SMYD3: variants seen among roughly 807,000 people sequenced by gnomAD.
The protein encoded by SMYD3 is histone-lysine N-methyltransferase SMYD3.
SMYD3 carries 36 observed loss-of-function variants against 57.7 expected under a neutral mutation model. That is an observed-to-expected ratio of 0.62 (90% CI 0.48 to 0.82). The LOEUF is 0.82. SMYD3 is among the 40% of genes least tolerant of loss of function. SMYD3 has a pLI of 0.00. For missense variants in SMYD3, 515 were observed against 538.8 expected (o/e 0.96, Z 0.44); for synonymous variants, 211 against 195.0 (o/e 1.08, Z -0.68).
chr1:246,284,698 G>A (rs759571356), intron 5 of SMYD3, among the ~76,000 whole-genome samples: 4 of 152,122 alleles, frequency 2.6e-5, no homozygotes, highest in African/African-American at 2.4e-5. Flanking sequence ...TTACAGGCAT[G>A]AGCCACCGCG....
chr1:246,321,498 G>T (rs1309781801), intron 5 of SMYD3, among the ~76,000 whole-genome samples: 1 of 151,936 alleles, frequency 6.6e-6, no homozygotes, highest in African/African-American at 2.4e-5. Context: ...ATTTAAATTT[G>T]GCCTCTCTCT....
Position 246,327,753 on chromosome 1 carries a change from C to T in SMYD3, c.395-416G>A, listed in dbSNP as rs189939305. ...TCATGACTAAACTAATAAACAGCAT[C>T]ACCTCTAAGGCAAAAAGACAGAAAA... On this transcript the variant is annotated intron_variant, in intron 4 of 11. Transcript: ENST00000490107. Among the ~76,000 whole-genome samples the T allele has an allele frequency of 2.5e-3, 378 of 152,244 alleles. 2 individuals carry two copies. The highest frequency in any genetic ancestry group is 8.8e-3 in the African/African-American group (365 of 41,544).
chr1:246,272,037 T>C (rs2064232862), intron 5 of SMYD3, among the ~76,000 whole-genome samples: 1 of 152,256 alleles, frequency 6.6e-6, no homozygotes, highest in African/African-American at 2.4e-5. Flanking sequence ...AAGTATTTTA[T>C]TCTTTTGGAT....
At chr1:246,161,180 C>T (rs2062113932) in intron 5 of SMYD3, among the ~76,000 whole-genome samples, 1 of 152,170 alleles carries the variant, frequency 6.6e-6, no homozygotes, top group Admixed American at 6.5e-5. Flanking sequence ...GCCTGGCACA[C>T]CTGGCACAGC....
intron 5 of SMYD3, among the ~76,000 whole-genome samples, chr1:246,317,095 T>C (rs1280787363): frequency 6.6e-6 from 1 of 152,138 alleles, no homozygotes; most frequent in Non-Finnish European, 1.5e-5. Context: ...CTTTTTCTAT[T>C]TTATAATTTC....
At chr1:246,376,584 C>G (rs1296815182) in intron 1 of SMYD3, among the ~76,000 whole-genome samples, 1 of 121,534 alleles carries the variant, frequency 8.2e-6, no homozygotes, top group South Asian at 3.4e-4. Flanking sequence ...GTGCGACACT[C>G]CATCTAAAAA....
chr1:246,242,290 G>A (rs1404750744), intron 5 of SMYD3, among the ~76,000 whole-genome samples: 1 of 152,124 alleles, frequency 6.6e-6, no homozygotes, highest in Non-Finnish European at 1.5e-5. Context: ...GGCATGTTGT[G>A]TCTTCGTTCT....
chr1:246,398,992 C>T (rs763143093), intron 1 of SMYD3, among the ~76,000 whole-genome samples: 1 of 152,112 alleles, frequency 6.6e-6, no homozygotes, highest in Non-Finnish European at 1.5e-5. Flanking sequence ...CAACTGTACA[C>T]AAATTTTTCA....
At chr1:246,145,024 T>C (rs2061821348) in intron 5 of SMYD3, among the ~76,000 whole-genome samples, 1 of 152,258 alleles carries the variant, frequency 6.6e-6, no homozygotes, top group Non-Finnish European at 1.5e-5. Context: ...TTTGTCTTTC[T>C]TCTTTCTTTA....
chr1:246,040,962 G>C (rs1333279559), intron 5 of SMYD3, among the ~76,000 whole-genome samples: 1 of 152,082 alleles, frequency 6.6e-6, no homozygotes, highest in African/African-American at 2.4e-5. Flanking sequence ...ATATAGTCAC[G>C]CACTGCATAA....
rs538220674 is a variant in SMYD3 at position 246,101,064 on chromosome 1, G to GTTTTTTTTTTTTTTTT, written c.532-171128_532-171127insAAAAAAAAAAAAAAAA. Among the ~76,000 whole-genome samples, 3 of 78,564 alleles carry GTTTTTTTTTTTTTTTT rather than the reference G, an allele frequency of 3.8e-5. 1 individual carries two copies. Among genetic ancestry groups the GTTTTTTTTTTTTTTTT allele is most frequent in the Non-Finnish European group, 3.1e-5 (1 of 32,616 alleles). The allele number at this position is 78,564 out of a possible 152,430, so 51.5% of individuals were successfully genotyped here. On this transcript the variant is annotated intron_variant, in intron 5 of 11. Coordinates refer to ENST00000490107, the MANE Select transcript of SMYD3 (RefSeq NM_001167740.2). Reference sequence around the variant, plus strand: ...TCACTAGTAATATGTATTTTTAGGGGTTTTTTGTTTTTTTTTTTTTTTTTT... The same window carrying GTTTTTTTTTTTTTTTT: ...TCACTAGTAATATGTATTTTTAGGGGTTTTTTTTTTTTTTTTTTTTTTGTTTTTTTTTTTTTTTTTT...
chr1:246,484,857 GCACTAGTTACACCTGAAAACACATCA>G (rs1267350550), intron 1 of SMYD3, among the ~76,000 whole-genome samples: 13 of 105,628 alleles, frequency 1.2e-4, no homozygotes, highest in East Asian at 2.4e-4. Context: ...CTAAACTACT[GCACTAGTTACACCTGAAAACACATCA>G]CTTCAACCAA....
At chr1:245,915,078 G>T (rs1173833444) in intron 8 of SMYD3, among the ~76,000 whole-genome samples, 2 of 151,804 alleles carry the variant, frequency 1.3e-5, no homozygotes, top group African/African-American at 4.8e-5. Context: ...CACTAAGTAG[G>T]GTAAATTTTT....
chr1:245,903,590 A>G (rs1379788704), intron 8 of SMYD3, among the ~76,000 whole-genome samples: 1 of 152,182 alleles, frequency 6.6e-6, no homozygotes, highest in East Asian at 1.9e-4. Context: ...AAGACATAGA[A>G]CAAACTGTCC....
chr1:246,357,812 C>G (rs2065930392), intron 1 of SMYD3, among the ~76,000 whole-genome samples: 1 of 152,174 alleles, frequency 6.6e-6, no homozygotes, highest in Non-Finnish European at 1.5e-5. Context: ...CCAAAAGGAA[C>G]TCTAAATCTT....
intron 1 of SMYD3, among the ~76,000 whole-genome samples, chr1:246,481,629 T>TATAGAC (rs1409036764): frequency 1.6e-4 from 17 of 104,414 alleles, no homozygotes; most frequent in African/African-American, 7.2e-4. Flanking sequence ...TATACATACA[T>TATAGAC]ACATACACAT....
intron 10 of SMYD3, 31 bp from the exon 11 acceptor site, chr1:245,764,180 G>C (rs200745052): frequency 6.8e-7 from 1 of 1,468,926 alleles, no homozygotes; most frequent in African/African-American, 1.4e-5. Flanking sequence ...AACAGTGTCA[G>C]CAGCCCTCAC....
intron 10 of SMYD3, among the ~76,000 whole-genome samples, chr1:245,772,674 TA>T (rs1481465778): frequency 1.3e-4 from 19 of 145,302 alleles, no homozygotes; most frequent in East Asian, 6.5e-4. Context: ...AATAAATACA[TA>T]TTTTTTTTAG....
At chr1:246,334,560 G>C (rs1225715922) in intron 3 of SMYD3, among the ~76,000 whole-genome samples, 2 of 152,092 alleles carry the variant, frequency 1.3e-5, no homozygotes, top group African/African-American at 4.8e-5. Context: ...GGAATACGAG[G>C]GGGAGGTAAG....
Sources: gnomAD v4.1 joint callset for allele counts (sites outside exome capture counted in the v4.1 genomes callset) on GRCh38, gnomAD v4.1.1 for gene constraint, MANE v1.5 for transcripts, NCBI Gene and HGNC (gene_info 2026-07-23, HGNC 2026-07-21) for gene names.